ZHX3: variants seen among roughly 807,000 people sequenced by gnomAD.
ZHX3 encodes zinc fingers and homeoboxes 3.
In ZHX3, 20 loss-of-function variants were observed where a neutral mutation model predicts 64.5. The ratio of observed to expected loss-of-function variants is 0.31; its 90% CI spans 0.22 to 0.45. The LOEUF (loss-of-function observed/expected upper bound fraction) is 0.45. Ranked by LOEUF, ZHX3 falls within the 20% of genes least tolerant of loss-of-function variation. The pLI, the probability that ZHX3 is intolerant of heterozygous loss-of-function variation, is 1.00. For missense variants in ZHX3, 1,041 were observed against 1,195.8 expected (o/e 0.87, Z 1.91); for synonymous variants, 423 against 461.6 (o/e 0.92, Z 1.07).
chr20:41,225,424 A>G (rs2040200484), intron 2 of ZHX3, among the ~76,000 whole-genome samples: 1 of 152,198 alleles, frequency 6.6e-6, no homozygotes, highest in Non-Finnish European at 1.5e-5. Flanking sequence ...TACCCAGCCT[A>G]CCTTTCTTTC....
At position 41,184,479 on chromosome 20, in the gene ZHX3, T is replaced by G; in HGVS notation, c.*712A>C. 1 of 166,154 alleles carries G rather than the reference T, an allele frequency of 6.0e-6. No individual in the cohort carries two copies. The highest frequency in any genetic ancestry group is 1.3e-5 in the Non-Finnish European group (1 of 76,728). The allele number at this position is 166,154 out of a possible 1,614,324, so 10.3% of individuals were successfully genotyped here. ...TTACGGTAACAACTAAAGAGAATGG[T>G]AAAGCATCCAACGCTAATCACATTG... On this transcript the variant is annotated 3_prime_UTR_variant, in exon 4 of 4. Coordinates refer to ENST00000683867, the MANE Select transcript of ZHX3 (RefSeq NM_001384317.1).
Position 41,186,113 on chromosome 20 carries a change from T to A in ZHX3, c.2861-912A>T, listed in dbSNP as rs370757164. Among the ~76,000 whole-genome samples the A allele has an allele frequency of 3.3e-5, 5 of 152,370 alleles. No individual in the cohort carries two copies. The South Asian group carries it at 8.3e-4, about 25-fold the overall frequency. On this transcript the variant is annotated intron_variant, in intron 3 of 3. Coordinates refer to ENST00000683867, the MANE Select transcript of ZHX3 (RefSeq NM_001384317.1). ...TCACTCTATTTCCAGCAATTTTTCA[T>A]CATCCTAAACAGAAATTATATATCC...
At position 41,201,351 on chromosome 20, in the gene ZHX3, G is replaced by A. The variant is rs2038200850; in HGVS notation, c.2860+706C>T. The A allele has an allele frequency of 3.1e-6, 4 of 1,304,772 alleles. No individual in the cohort carries two copies. The highest frequency in any genetic ancestry group is 4.0e-6 in the Non-Finnish European group (4 of 989,082). 80.8% of individuals were successfully genotyped at this position (1,304,772 alleles called of 1,614,324 possible). On this transcript the variant is annotated intron_variant, in intron 3 of 3. Coordinates refer to ENST00000683867, the MANE Select transcript of ZHX3 (RefSeq NM_001384317.1). This position sits in a 1 kb window ranked among gnomAD's most constrained non-coding sequence, Gnocchi z 5.0. ...ACACAAATGTCAAAGGGTAAGGAGG[G>A]AAGGGAGAGGCTGGGAACTCAGTGA...
At chr20:41,298,484 CT>C (rs2044646983) in intron 1 of ZHX3, among the ~76,000 whole-genome samples, 3 of 152,198 alleles carry the variant, frequency 2.0e-5, no homozygotes, top group African/African-American at 7.2e-5. Flanking sequence ...GGCATCTTAC[CT>C]GCACCCTAGG....
chr20:41,243,292 G>GT (rs947864546), intron 2 of ZHX3, among the ~76,000 whole-genome samples: 3 of 152,324 alleles, frequency 2.0e-5, no homozygotes, highest in Admixed American at 6.5e-5. Flanking sequence ...CTCAAGAAGT[G>GT]TAATTACCTG....
intron 1 of ZHX3, 46 bp downstream of exon 1, chr20:41,317,463 C>G (rs1192352441): frequency 6.6e-6 from 1 of 151,516 alleles, no homozygotes. Flanking sequence ...CGGGGACTGA[C>G]AGCCGCGGGG....
Position 41,185,017 on chromosome 20 carries a change from C to G in ZHX3, c.*174G>C. 1.3e-6 allele frequency: 2 copies of G among 1,551,324 alleles called. No individual in the cohort carries two copies. Among genetic ancestry groups the G allele is most frequent in the Non-Finnish European group, 1.7e-6 (2 of 1,146,994 alleles). On this transcript the variant is annotated 3_prime_UTR_variant, in exon 4 of 4. Coordinates refer to ENST00000683867, the MANE Select transcript of ZHX3 (RefSeq NM_001384317.1). This position sits in a 1 kb window ranked among gnomAD's most constrained non-coding sequence, Gnocchi z 5.0. ...TGCTTGCTGCTTGCTTGGTGGTGGG[C>G]AGGCCGAGGGTAGCGGCAGGCTCTG...
intron 2 of ZHX3, among the ~76,000 whole-genome samples, chr20:41,214,842 T>C (rs899913267): frequency 2.0e-5 from 3 of 152,160 alleles, no homozygotes; most frequent in African/African-American, 4.8e-5. Flanking sequence ...AGTGAGCTGA[T>C]AGAAATGTAA....
intron 2 of ZHX3, among the ~76,000 whole-genome samples, chr20:41,258,883 T>C (rs1233759297): frequency 6.6e-6 from 1 of 152,220 alleles, no homozygotes; most frequent in Non-Finnish European, 1.5e-5. Flanking sequence ...ACCTGCTCAC[T>C]CTGCTTAAAA....
Position 41,201,694 on chromosome 20 carries a change from T to C in ZHX3, c.2860+363A>G, listed in dbSNP as rs184870224. Among the ~76,000 whole-genome samples, 2 of 152,340 alleles carry C rather than the reference T, an allele frequency of 1.3e-5. No individual in the cohort carries two copies. Among genetic ancestry groups the C allele is most frequent in the African/African-American group, 4.8e-5 (2 of 41,578 alleles). ...TCAATTTGAGCTGAATTTCAACTCA[T>C]GTCCTGTTGCTGTCTCCTACCCAGT... is the stretch of plus-strand genomic sequence containing the variant. On this transcript the variant is annotated intron_variant, in intron 3 of 3. Coordinates refer to ENST00000683867, the MANE Select transcript of ZHX3 (RefSeq NM_001384317.1). This position sits in a 1 kb window ranked among gnomAD's most constrained non-coding sequence, Gnocchi z 5.0.
intron 1 of ZHX3, among the ~76,000 whole-genome samples, chr20:41,310,698 A>G (rs893925145): frequency 6.6e-6 from 1 of 151,958 alleles, no homozygotes; most frequent in African/African-American, 2.4e-5. Flanking sequence ...TTTTTTAAAG[A>G]AAGCTATCTT....
chr20:41,306,543 A>G (rs1480237020), intron 1 of ZHX3, among the ~76,000 whole-genome samples: 1 of 152,220 alleles, frequency 6.6e-6, no homozygotes, highest in Non-Finnish European at 1.5e-5. Flanking sequence ...ACAGAAGACC[A>G]TGTCTGATTT....
intron 3 of ZHX3, chr20:41,196,974 T>C: frequency 5.8e-6 from 1 of 172,472 alleles, no homozygotes; most frequent in South Asian, 1.5e-4. Flanking sequence ...AAGACAACAA[T>C]ACACCTGTGT....
intron 2 of ZHX3, among the ~76,000 whole-genome samples, chr20:41,244,079 AT>A (rs2041547549): frequency 6.6e-6 from 1 of 152,076 alleles, no homozygotes; most frequent in East Asian, 1.9e-4. Flanking sequence ...ATTGCAGGAT[AT>A]TTAGTAACAT....
intron 2 of ZHX3, among the ~76,000 whole-genome samples, chr20:41,236,368 C>T (rs575879287): frequency 1.3e-5 from 2 of 152,308 alleles, no homozygotes; most frequent in South Asian, 4.1e-4. Flanking sequence ...TGACTTCAAA[C>T]TATACTACAA....
At chr20:41,231,415 A>C (rs777033259) in intron 2 of ZHX3, among the ~76,000 whole-genome samples, 160 of 152,106 alleles carry the variant, frequency 1.1e-3, no homozygotes, top group Non-Finnish European at 2.1e-3. Context: ...CACATACTAG[A>C]GTTCCTTCAT....
intron 3 of ZHX3, among the ~76,000 whole-genome samples, chr20:41,193,684 GT>G (rs892325651): frequency 5.5e-5 from 8 of 144,294 alleles, no homozygotes; most frequent in South Asian, 2.2e-4. Flanking sequence ...GTGGATTCAA[GT>G]TTTTTTTTTG....
At chr20:41,233,647 C>T (rs1020042035) in intron 2 of ZHX3, among the ~76,000 whole-genome samples, 1 of 152,150 alleles carries the variant, frequency 6.6e-6, no homozygotes, top group Non-Finnish European at 1.5e-5. Flanking sequence ...AATAGATCAG[C>T]TGAAGCATGA....
intron 2 of ZHX3, among the ~76,000 whole-genome samples, chr20:41,259,261 C>G (rs767141813): frequency 4.6e-5 from 7 of 152,170 alleles, no homozygotes; most frequent in Non-Finnish European, 4.4e-5. Flanking sequence ...TCTATAGACT[C>G]TCATTCTCAG....
Sources: allele counts gnomAD v4.1 joint callset (sites outside exome capture counted in the v4.1 genomes callset), GRCh38; gene constraint gnomAD v4.1.1; non-coding constraint Gnocchi (gnomAD v3.1); transcripts MANE v1.5; gene names NCBI Gene and HGNC (gene_info 2026-07-23, HGNC 2026-07-21).